The following GRM4 variants were observed in gnomAD, a reference collection of about 807,000 sequenced individuals.
GRM4 encodes the protein metabotropic glutamate receptor 4.
Under a neutral mutation model 81.7 loss-of-function variants are expected in GRM4, and 28 were observed. The ratio of observed to expected loss-of-function variants is 0.34; its 90% confidence interval spans 0.25 to 0.47. GRM4 has a LOEUF of 0.47. Ranked by LOEUF, GRM4 falls within the 20% of genes least tolerant of loss-of-function variation. GRM4 has a pLI of 1.00. For synonymous variants in GRM4, 488 were observed against 528.8 expected, an observed-to-expected ratio of 0.92 and a Z score of 1.06; for missense variants, 948 against 1,290.0, an observed-to-expected ratio of 0.73 and a Z score of 4.06.
chr6:34,055,925 G>A (rs1765849590), intron 6 of GRM4: 1 of 152,302 alleles, frequency 6.6e-6, no homozygotes, highest in Non-Finnish European at 1.5e-5. Context: ...GCCGTCCCTG[G>A]CCACTTCACA....
rs1258989177 is a variant in GRM4, at chr6:34,028,328, A to G, written c.2481T>C (p.Ser827=). The G allele has an allele frequency of 6.2e-7, 1 of 1,611,722 alleles. No homozygotes were observed. Among genetic ancestry groups the G allele is most frequent in the Non-Finnish European group, 8.5e-7 (1 of 1,179,712 alleles). ...IQTTTLTVSV[S]LSASVSLGML... is the part of the protein sequence containing the mutation. Reference sequence around the variant, plus strand: ...TTCCCAGGGACACCGAGGCGCTCAGACTCACCGAGACCGTCAGCGTCGTCG... The same window carrying G: ...TTCCCAGGGACACCGAGGCGCTCAGGCTCACCGAGACCGTCAGCGTCGTCG... The change falls in exon 10 of 11, where the codon AGT becomes AGC. Residue 827 remains serine (S), a synonymous_variant. Coordinates refer to ENST00000538487, the MANE Select transcript of GRM4 (RefSeq NM_000841.4).
chr6:34,052,606 C>T (rs1765670485), intron 6 of GRM4, among the ~76,000 whole-genome samples: 2 of 152,204 alleles, frequency 1.3e-5, no homozygotes, highest in African/African-American at 2.4e-5. Flanking sequence ...GGAATGTGAG[C>T]ACCCGAGAGA....
chr6:34,032,690 G>A (rs2127440062), intron 9 of GRM4, among the ~76,000 whole-genome samples: 1 of 152,298 alleles, frequency 6.6e-6, no homozygotes, highest in Non-Finnish European at 1.5e-5. Flanking sequence ...CATAATCAGG[G>A]CTGGCTGGGG....
At chr6:34,085,549 T>C (rs1019924925) in intron 3 of GRM4, among the ~76,000 whole-genome samples, 1 of 152,074 alleles carries the variant, frequency 6.6e-6, no homozygotes, top group Non-Finnish European at 1.5e-5. Flanking sequence ...TGCCCCTCTG[T>C]AGGCTGAGAG....
intron 2 of GRM4, among the ~76,000 whole-genome samples, chr6:34,125,941 C>G (rs1462503602): frequency 6.6e-6 from 1 of 152,238 alleles, no homozygotes; most frequent in Non-Finnish European, 1.5e-5. Context: ...CACGAGCACT[C>G]CAGCATCTAT....
chr6:34,068,056 C>A lies in GRM4; in HGVS notation c.737-6028G>T, dbSNP rs1166181084. On this transcript the variant is annotated intron_variant, in intron 3 of 10. Coordinates refer to ENST00000538487, the MANE Select transcript of GRM4 (RefSeq NM_000841.4). The surrounding 1 kb of genome is among the most constrained non-coding windows in gnomAD (Gnocchi z 4.2). ...GATGCAGCCATGCAGAGGACAGAAGCCCGGCGCCATGCAGCCTGCGTCCCA... is the reference window on the plus strand; with the variant it reads ...GATGCAGCCATGCAGAGGACAGAAGACCGGCGCCATGCAGCCTGCGTCCCA... Among the ~76,000 whole-genome samples the A allele has an allele frequency of 6.6e-6, 1 of 152,244 alleles. No homozygotes were observed. Among genetic ancestry groups the A allele is most frequent in the African/African-American group, 2.4e-5 (1 of 41,462 alleles).
rs895347672 is a variant in GRM4, at chr6:34,136,560, G to A, written c.-363-2701C>T. ...TGGGCTGAGCAGTGCATGCGCGCGTGCGGACACACACACACACACACACAC... is the reference window on the plus strand; with the variant it reads ...TGGGCTGAGCAGTGCATGCGCGCGTACGGACACACACACACACACACACAC... On this transcript the variant is annotated intron_variant, in intron 1 of 10. Transcript: ENST00000538487. The surrounding 1 kb of genome is among the most constrained non-coding windows in gnomAD (Gnocchi z 4.1). Among the ~76,000 whole-genome samples, 434 of 74,362 alleles carry A rather than the reference G, an allele frequency of 5.8e-3. 2 individuals carry two copies. Among genetic ancestry groups the A allele is most frequent in the African/African-American group, 0.021 (402 of 19,224 alleles). 48.8% of individuals were successfully genotyped at this position (74,362 alleles called of 152,430 possible). A position where few individuals can be genotyped will look rare whatever the true frequency, so the allele number is the denominator to read the frequency against.
upstream of GRM4, chr6:34,146,240 T>C (rs1022872298): frequency 4.7e-6 from 3 of 633,362 alleles, no homozygotes; most frequent in African/African-American, 4.0e-5. Context: ...GGGGAGAAAC[T>C]GAGGCCCAGT....
chr6:34,117,853 T>TA (rs1769658417), intron 2 of GRM4, among the ~76,000 whole-genome samples: 1 of 152,068 alleles, frequency 6.6e-6, no homozygotes, highest in Admixed American at 6.5e-5. Flanking sequence ...CCACTGGAAA[T>TA]ACATAGATGC....
At chr6:34,105,759 G>T (rs974413715) in intron 2 of GRM4, among the ~76,000 whole-genome samples, 1 of 152,138 alleles carries the variant, frequency 6.6e-6, no homozygotes, top group Non-Finnish European at 1.5e-5. Flanking sequence ...AATTCAGCAG[G>T]TTCAAAGTCC....
chr6:34,117,862 G>A (rs1769658884), intron 2 of GRM4, among the ~76,000 whole-genome samples: 1 of 152,196 alleles, frequency 6.6e-6, no homozygotes, highest in Non-Finnish European at 1.5e-5. Context: ...ATACATAGAT[G>A]CAGCCAGGTA....
chr6:34,110,103 C>T (rs1464572159), intron 2 of GRM4, among the ~76,000 whole-genome samples: 1 of 152,128 alleles, frequency 6.6e-6, no homozygotes, highest in Non-Finnish European at 1.5e-5. Context: ...TCAAGACCAG[C>T]CTGGGCAATA....
chr6:34,115,213 C>T lies in GRM4; in HGVS notation c.519+17765G>A, dbSNP rs147289691. Among the ~76,000 whole-genome samples the T allele has an allele frequency of 9.8e-4, 149 of 152,332 alleles. No individual in the cohort carries two copies. The Middle Eastern group carries it at 0.014, about 14-fold the overall frequency. ...AGCCAGAACAGCAGCTCCTGGCCCA[C>T]TCCACAGCTTGCATGTGTGCGTGCG... On this transcript the variant is annotated intron_variant, in intron 2 of 10. Coordinates refer to ENST00000538487, the MANE Select transcript of GRM4 (RefSeq NM_000841.4). This position sits in a 1 kb window ranked among gnomAD's most constrained non-coding sequence, Gnocchi z 4.1.
chr6:34,124,411 T>C (rs1283065473), intron 2 of GRM4, among the ~76,000 whole-genome samples: 2 of 152,222 alleles, frequency 1.3e-5, no homozygotes, highest in Non-Finnish European at 2.9e-5. Context: ...CACTCCTTGC[T>C]TTGTGATTCT....
intron 6 of GRM4, chr6:34,055,076 T>A (rs562544367): frequency 6.6e-5 from 10 of 152,354 alleles, no homozygotes; most frequent in African/African-American, 2.2e-4. Flanking sequence ...AGTGCAGGAA[T>A]CTTAAGAGTT....
intron 1 of GRM4, among the ~76,000 whole-genome samples, chr6:34,142,729 G>A (rs558801962): frequency 2.0e-5 from 3 of 152,256 alleles, no homozygotes; most frequent in Admixed American, 6.5e-5. Context: ...CACCTACCTC[G>A]GGCTGCCTGC....
At chr6:34,132,954 C>T in intron 2 of GRM4, 24 bp downstream of exon 2, 1 of 1,562,444 alleles carries the variant, frequency 6.4e-7, no homozygotes, top group East Asian at 2.3e-5. Flanking sequence ...AAGAGCACCT[C>T]AGGGGACCAA....
At chr6:34,149,237 A>G (rs914195181), upstream of GRM4, among the ~76,000 whole-genome samples, 14 of 152,218 alleles carry the variant, frequency 9.2e-5, no homozygotes, top group African/African-American at 3.4e-4. Flanking sequence ...GGAGGTGCAG[A>G]TTCCCTGAGA....
intron 8 of GRM4, among the ~76,000 whole-genome samples, chr6:34,037,223 G>A (rs996614274): frequency 4.6e-5 from 7 of 152,224 alleles, no homozygotes; most frequent in African/African-American, 1.7e-4. Flanking sequence ...GTGCTCAGGG[G>A]TTAGCATTTC....
Sources: allele counts gnomAD v4.1 joint callset (sites outside exome capture counted in the v4.1 genomes callset), GRCh38; gene constraint gnomAD v4.1.1; non-coding constraint Gnocchi (gnomAD v3.1); transcripts MANE v1.5; gene names NCBI Gene and HGNC (gene_info 2026-07-23, HGNC 2026-07-21).